The following MKLN1 variants were observed in gnomAD, a reference collection of about 807,000 sequenced individuals.
MKLN1 encodes muskelin 1.
In MKLN1, 18 loss-of-function variants were observed where a neutral mutation model predicts 99.0. That is an observed-to-expected ratio of 0.18 (90% CI 0.13 to 0.27). The LOEUF is 0.27. Ranked by LOEUF, MKLN1 falls within the 10% of genes least tolerant of loss-of-function variation. The pLI is 1.00. For missense variants in MKLN1, 621 were observed against 875.9 expected, an observed-to-expected ratio of 0.71 and a Z score of 3.67; for synonymous variants, 288 against 293.2, an observed-to-expected ratio of 0.98 and a Z score of 0.18.
At chr7:131,129,868 G>T (rs2116222698) in intron 1 of MKLN1, among the ~76,000 whole-genome samples, 1 of 152,224 alleles carries the variant, frequency 6.6e-6, no homozygotes, top group African/African-American at 2.4e-5. Context: ...GAGCCACCAT[G>T]CCCAGCTAGG....
chr7:131,355,628 C>A (rs1017266493), intron 1 of MKLN1, among the ~76,000 whole-genome samples: 5 of 136,918 alleles, frequency 3.7e-5, no homozygotes, highest in South Asian at 2.3e-4. Flanking sequence ...TAACTTGATA[C>A]TATATATATA....
chr7:131,457,396 C>T (rs999374581), intron 12 of MKLN1, among the ~76,000 whole-genome samples: 5 of 151,406 alleles, frequency 3.3e-5, no homozygotes, highest in East Asian at 1.9e-4. Flanking sequence ...CAGAACCATA[C>T]GGAAATAGTA....
At chr7:131,447,993 C>T (rs1440309234) in intron 12 of MKLN1, among the ~76,000 whole-genome samples, 2 of 152,144 alleles carry the variant, frequency 1.3e-5, no homozygotes, top group East Asian at 3.9e-4. Context: ...GTTTGGGAGG[C>T]CAAGACAGGT....
chr7:131,477,990 A>G (rs545822263), intron 16 of MKLN1, among the ~76,000 whole-genome samples: 2 of 152,284 alleles, frequency 1.3e-5, no homozygotes, highest in South Asian at 2.1e-4. Context: ...CTGTTTCTTC[A>G]TTGTTCAATT....
At chr7:131,353,607 T>TA (rs1799782939) in intron 1 of MKLN1, among the ~76,000 whole-genome samples, 1 of 152,096 alleles carries the variant, frequency 6.6e-6, no homozygotes, top group Non-Finnish European at 1.5e-5. Context: ...TTTCTCAAAA[T>TA]AAAAGTTTTT....
chr7:131,311,855 AC>A, intron 3 of MKLN1, among the ~76,000 whole-genome samples: 1 of 151,592 alleles, frequency 6.6e-6, no homozygotes, highest in South Asian at 2.1e-4. Context: ...TAAAAGGTGA[AC>A]TTTTTTTTAC....
intron 3 of MKLN1, among the ~76,000 whole-genome samples, chr7:131,224,033 G>C (rs1046839082): frequency 1.4e-4 from 21 of 151,926 alleles, no homozygotes; most frequent in African/African-American, 5.1e-4. Context: ...CAAAGTGCTG[G>C]GATTACAGGT....
intron 1 of MKLN1, among the ~76,000 whole-genome samples, chr7:131,343,461 A>G (rs1799467680): frequency 6.6e-6 from 1 of 152,152 alleles, no homozygotes; most frequent in Admixed American, 6.5e-5. Context: ...TTTATTTTAT[A>G]GTTACACTAT....
chr7:131,145,355 G>A (rs949675381), intron 2 of MKLN1, among the ~76,000 whole-genome samples: 3 of 152,154 alleles, frequency 2.0e-5, no homozygotes, highest in East Asian at 1.9e-4. Flanking sequence ...ACAGTCTCCT[G>A]TTGATTGTAA....
chr7:131,320,068 T>C (rs1469979829), intron 3 of MKLN1, among the ~76,000 whole-genome samples: 1 of 152,042 alleles, frequency 6.6e-6, no homozygotes, highest in East Asian at 1.9e-4. Context: ...TGCAGAATTA[T>C]AAAAAACTAC....
At chr7:131,308,590 CTT>C (rs60430767) in intron 3 of MKLN1, among the ~76,000 whole-genome samples, 65,747 of 144,078 alleles carry the variant, frequency 0.46, 16,085 homozygotes, top group Admixed American at 0.59. Context: ...TTTGTTTTTT[CTT>C]TTTTTTTTTT....
chr7:131,373,684 A>G lies in MKLN1; in HGVS notation c.99-1740A>G, dbSNP rs1238920930. The stretch of plus-strand genomic sequence containing the variant: ...TATGGAAAAGTTGCAAAGATGGCAT[A>G]GTTACTATATATGTTCTTTACGCAG... On this transcript the variant is annotated intron_variant, in intron 1 of 17. Coordinates refer to ENST00000352689, the MANE Select transcript of MKLN1 (RefSeq NM_013255.5). 2.0e-5 allele frequency among the ~76,000 whole-genome samples: 3 copies of G among 152,210 alleles called. No individual in the cohort carries two copies. In the East Asian group the frequency reaches 5.8e-4, roughly 29 times the overall value.
At chr7:131,251,817 A>C (rs1797584448) in intron 3 of MKLN1, among the ~76,000 whole-genome samples, 1 of 152,018 alleles carries the variant, frequency 6.6e-6, no homozygotes, top group South Asian at 2.1e-4. Flanking sequence ...CTACAGGCAC[A>C]TGCCACCATG....
At chr7:131,207,440 C>T (rs868514197) in intron 3 of MKLN1, among the ~76,000 whole-genome samples, 43 of 151,982 alleles carry the variant, frequency 2.8e-4, no homozygotes, top group Admixed American at 1.2e-3. Flanking sequence ...TCAAGTGATC[C>T]GCCCACCTCG....
rs532769404 is a variant in MKLN1 at position 131,437,700 on chromosome 7, G to A, written c.961-85G>A. On this transcript the variant is annotated intron_variant, in intron 9 of 17. Transcript: ENST00000352689. ...CTTTTAATGAAAGGTAATAAAAAATGACGTTTAATTTTTCTATTATTTGTT... is the reference window on the plus strand; with the variant it reads ...CTTTTAATGAAAGGTAATAAAAAATAACGTTTAATTTTTCTATTATTTGTT... The A allele has an allele frequency of 6.7e-6, 7 of 1,038,082 alleles. No homozygotes were observed. In the South Asian group the frequency reaches 9.1e-5, roughly 13 times the overall value. 64.3% of individuals were successfully genotyped at this position (1,038,082 alleles called of 1,614,324 possible).
intron 2 of MKLN1, among the ~76,000 whole-genome samples, chr7:131,378,641 G>A (rs1309029791): frequency 6.6e-6 from 1 of 152,100 alleles, no homozygotes; most frequent in Non-Finnish European, 1.5e-5. Context: ...ATCAGTCTGG[G>A]CAACATGGTG....
intron 1 of MKLN1, among the ~76,000 whole-genome samples, chr7:131,139,434 G>A (rs1329754528): frequency 2.6e-5 from 4 of 151,700 alleles, no homozygotes; most frequent in Non-Finnish European, 5.9e-5. Context: ...AGCATTGCTT[G>A]CAGTTATAGT....
chr7:131,346,359 T>C (rs954908821), intron 1 of MKLN1, among the ~76,000 whole-genome samples: 14 of 152,016 alleles, frequency 9.2e-5, no homozygotes, highest in Non-Finnish European at 2.1e-4. Context: ...CTGTCTCTGC[T>C]AAAAATATAA....
intron 3 of MKLN1, among the ~76,000 whole-genome samples, chr7:131,295,408 A>C (rs1366456033): frequency 6.6e-6 from 1 of 152,236 alleles, no homozygotes; most frequent in Non-Finnish European, 1.5e-5. Flanking sequence ...TGGTAAGAAT[A>C]AAAATGACAA....
Sources: gnomAD v4.1 joint callset for allele counts (sites outside exome capture counted in the v4.1 genomes callset) on GRCh38, gnomAD v4.1.1 for gene constraint, MANE v1.5 for transcripts, NCBI Gene and HGNC (gene_info 2026-07-23, HGNC 2026-07-21) for gene names.